Variants in WDTC1 observed in about 807,000 individuals in gnomAD.
The protein encoded by WDTC1 is WD and tetratricopeptide repeats protein 1.
WDTC1 carries 12 observed loss-of-function variants against 76.0 expected under a neutral mutation model. The ratio of observed to expected loss-of-function variants is 0.16; its 90% CI spans 0.10 to 0.26. The LOEUF is 0.26. Ranked by LOEUF, WDTC1 falls within the 10% of genes least tolerant of loss-of-function variation. WDTC1 has a pLI of 1.00. For synonymous variants in WDTC1, 326 were observed against 350.8 expected (o/e 0.93, Z 0.79); for missense variants, 511 against 908.8 (o/e 0.56, Z 5.63).
intron 1 of WDTC1, among the ~76,000 whole-genome samples, chr1:27,248,161 T>G (rs1162669638): frequency 6.6e-6 from 1 of 152,242 alleles, no homozygotes; most frequent in African/African-American, 2.4e-5. Flanking sequence ...CCTTTGGGTA[T>G]ATACCCAGTA....
chr1:27,269,695 A>C (rs184445469), intron 3 of WDTC1, among the ~76,000 whole-genome samples: 115 of 143,758 alleles, frequency 8.0e-4, no homozygotes, highest in African/African-American at 2.8e-3. Flanking sequence ...GCTTACTGCA[A>C]CCTCCGCCTC....
intron 9 of WDTC1, among the ~76,000 whole-genome samples, chr1:27,295,447 A>T (rs758069898): frequency 6.7e-6 from 1 of 149,736 alleles, no homozygotes; most frequent in Non-Finnish European, 1.5e-5. Flanking sequence ...TAAACATGTG[A>T]CGTGTTTTTT....
chr1:27,294,327 T>C (rs2013624427), intron 8 of WDTC1, among the ~76,000 whole-genome samples, 187 bp from the exon 9 acceptor site: 2 of 152,074 alleles, frequency 1.3e-5, no homozygotes, highest in Non-Finnish European at 2.9e-5. Flanking sequence ...TAAAATGGGG[T>C]TATAATGACT....
intron 9 of WDTC1, among the ~76,000 whole-genome samples, chr1:27,295,954 C>T (rs764321046): frequency 9.9e-5 from 15 of 151,956 alleles, no homozygotes; most frequent in African/African-American, 3.1e-4. Flanking sequence ...CTTGTAAAGA[C>T]GGGGTTTTGC....
At chr1:27,265,601 T>C (rs1224551725) in intron 3 of WDTC1, among the ~76,000 whole-genome samples, 1 of 151,626 alleles carries the variant, frequency 6.6e-6, no homozygotes, top group African/African-American at 2.4e-5. Context: ...CAGTGAGCTG[T>C]GATTGTGCCA....
chr1:27,250,181 G>A (rs1406308212), intron 1 of WDTC1, among the ~76,000 whole-genome samples: 1 of 152,072 alleles, frequency 6.6e-6, no homozygotes, highest in Non-Finnish European at 1.5e-5. Context: ...ATACTGTTAT[G>A]TACTTTCTTT....
chr1:27,294,253 C>T, intron 8 of WDTC1, 137 bp downstream of exon 8: 4 of 932,784 alleles, frequency 4.3e-6, no homozygotes, highest in Non-Finnish European at 6.3e-6. Context: ...TTAATCCCAA[C>T]TCTGCCATTG....
intron 5 of WDTC1, among the ~76,000 whole-genome samples, chr1:27,286,467 CT>C (rs1172585069): frequency 0.014 from 1,740 of 124,394 alleles, 17 homozygotes; most frequent in African/African-American, 0.049. Context: ...GGATTATTTC[CT>C]TTTTTTTTTT....
At chr1:27,253,458 CTCT>C (rs1185680812) in intron 1 of WDTC1, among the ~76,000 whole-genome samples, 4 of 122,788 alleles carry the variant, frequency 3.3e-5, no homozygotes, top group Admixed American at 9.8e-5. Flanking sequence ...CCTTCCTCTT[CTCT>C]TCTTCCTCTT....
intron 1 of WDTC1, among the ~76,000 whole-genome samples, chr1:27,257,549 A>G (rs938805015): frequency 2.0e-5 from 3 of 152,188 alleles, no homozygotes; most frequent in Non-Finnish European, 2.9e-5. Flanking sequence ...AGAGCTATAG[A>G]TGCCATTTCA....
In WDTC1 at chr1:27,305,224, G is replaced by T; in HGVS notation, c.1836+31G>T. On this transcript the variant is annotated intron_variant, in intron 15 of 15. Coordinates refer to ENST00000319394, the MANE Select transcript of WDTC1 (RefSeq NM_001276252.2). This position sits in a 1 kb window ranked among gnomAD's most constrained non-coding sequence, Gnocchi z 4.6. Reference sequence around the variant, plus strand: ...GGTGCAGAGCCAAGCAGAGAGGAGGGCAGGGACTCTGTGGAAGGCTCCAGT... The same window carrying T: ...GGTGCAGAGCCAAGCAGAGAGGAGGTCAGGGACTCTGTGGAAGGCTCCAGT... 2 of 1,603,584 alleles carry T rather than the reference G, an allele frequency of 1.2e-6. No homozygotes were observed. The highest frequency in any genetic ancestry group is 8.5e-7 in the Non-Finnish European group (1 of 1,175,184).
At chr1:27,255,039 C>T (rs1282164226) in intron 1 of WDTC1, among the ~76,000 whole-genome samples, 2 of 151,972 alleles carry the variant, frequency 1.3e-5, no homozygotes, top group Non-Finnish European at 2.9e-5. Flanking sequence ...CTCTTTTCCC[C>T]CCATTTTTGT....
chr1:27,295,237 A>G (rs2013651675), intron 9 of WDTC1, among the ~76,000 whole-genome samples: 1 of 152,204 alleles, frequency 6.6e-6, no homozygotes, highest in African/African-American at 2.4e-5. Flanking sequence ...ATCCATCCCC[A>G]GGCTGATGGG....
chr1:27,240,481 A>G (rs2011595891), intron 1 of WDTC1, among the ~76,000 whole-genome samples: 1 of 152,094 alleles, frequency 6.6e-6, no homozygotes, highest in African/African-American at 2.4e-5. Context: ...ATGATGAAAT[A>G]TATCCTTTTT....
chr1:27,238,945 C>T (rs2011551627), intron 1 of WDTC1, among the ~76,000 whole-genome samples: 1 of 150,166 alleles, frequency 6.7e-6, no homozygotes, highest in Non-Finnish European at 1.5e-5. Flanking sequence ...TGAGTTCCAC[C>T]TGCCTCGGTC....
At chr1:27,245,059 A>G (rs1332559292) in intron 1 of WDTC1, among the ~76,000 whole-genome samples, 2 of 151,666 alleles carry the variant, frequency 1.3e-5, no homozygotes, top group Non-Finnish European at 2.9e-5. Context: ...AGTTAAAGGC[A>G]GAGGCTGGCT....
chr1:27,289,093 C>A (rs1169670499), intron 6 of WDTC1, among the ~76,000 whole-genome samples: 2 of 145,484 alleles, frequency 1.4e-5, no homozygotes, highest in Admixed American at 6.8e-5. Context: ...GACCCCCCCA[C>A]CTCCCTCCTG....
intron 2 of WDTC1, among the ~76,000 whole-genome samples, chr1:27,261,733 T>C (rs777563630): frequency 6.6e-6 from 1 of 151,992 alleles, no homozygotes; most frequent in Non-Finnish European, 1.5e-5. Flanking sequence ...CCAGCTGGAG[T>C]CAGGAGCTTC....
intron 1 of WDTC1, among the ~76,000 whole-genome samples, chr1:27,255,160 G>A (rs533834653): frequency 2.6e-5 from 4 of 151,918 alleles, no homozygotes; most frequent in Admixed American, 2.6e-4. Flanking sequence ...ATTCCTCCTT[G>A]TCTATCACAG....
Sources: gnomAD v4.1 joint callset for allele counts (sites outside exome capture counted in the v4.1 genomes callset) on GRCh38, gnomAD v4.1.1 for gene constraint, Gnocchi (gnomAD v3.1) non-coding constraint, MANE v1.5 for transcripts, NCBI Gene and HGNC (gene_info 2026-07-23, HGNC 2026-07-21) for gene names.